Variants in COL8A1 observed in about 807,000 individuals in gnomAD.
The protein encoded by COL8A1 is collagen alpha-1(VIII) chain.
A neutral mutation model predicts 42.7 loss-of-function variants in COL8A1; 21 were observed. That is an observed-to-expected ratio of 0.49 (90% CI 0.35 to 0.71). The LOEUF is 0.71. Ranked by LOEUF, COL8A1 falls within the 30% of genes least tolerant of loss-of-function variation. The pLI is 0.01. For missense variants in COL8A1, 788 were observed against 962.4 expected (o/e 0.82, Z 2.40); for synonymous variants, 367 against 369.1 (o/e 0.99, Z 0.06).
chr3:99,750,413 C>A (rs1941121746), intron 2 of COL8A1, among the ~76,000 whole-genome samples: 2 of 152,014 alleles, frequency 1.3e-5, no homozygotes, highest in African/African-American at 4.8e-5. Flanking sequence ...ATATTAATAG[C>A]CAACTCTGGG....
chr3:99,655,850 G>A (rs1313653385), intron 1 of COL8A1, among the ~76,000 whole-genome samples: 1 of 152,168 alleles, frequency 6.6e-6, no homozygotes, highest in Non-Finnish European at 1.5e-5. Flanking sequence ...TTGAAGCACT[G>A]ACCTAGAAAA....
chr3:99,741,791 TGCA>T (rs1940907202), intron 1 of COL8A1, among the ~76,000 whole-genome samples: 1 of 152,208 alleles, frequency 6.6e-6, no homozygotes, highest in African/African-American at 2.4e-5. Context: ...GTGATCCTGC[TGCA>T]GAAGTTACAT....
At chr3:99,725,889 C>T (rs1399614449) in intron 1 of COL8A1, among the ~76,000 whole-genome samples, 9 of 152,076 alleles carry the variant, frequency 5.9e-5, no homozygotes, top group Non-Finnish European at 5.9e-5. Context: ...GTGCATATGT[C>T]TTTATAGCAG....
chr3:99,705,153 T>C (rs1167064526), intron 1 of COL8A1, among the ~76,000 whole-genome samples: 2 of 152,172 alleles, frequency 1.3e-5, no homozygotes, highest in African/African-American at 4.8e-5. Context: ...AACAAAGTAA[T>C]GGTAGAGTTA....
rs1335196448 is a variant in COL8A1 at position 99,653,459 on chromosome 3, C to A, written c.-129+14795C>A. Among the ~76,000 whole-genome samples, 31 of 151,860 alleles carry A rather than the reference C, an allele frequency of 2.0e-4. 1 individual carries two copies. Among genetic ancestry groups the A allele is most frequent in the Admixed American group, 2.0e-3 (31 of 15,240 alleles). ...TTATACCAAATGGCAACAGTTCAAT[C>A]TCCCCACCAGTTCCCCTAAAAGGAA... On this transcript the variant is annotated intron_variant, in intron 1 of 3. Transcript: ENST00000652472.
At chr3:99,734,708 G>A (rs1485983351) in intron 1 of COL8A1, among the ~76,000 whole-genome samples, 1 of 151,870 alleles carries the variant, frequency 6.6e-6, no homozygotes, top group East Asian at 1.9e-4. Flanking sequence ...TAGCTTGATG[G>A]GGATGGCATT....
rs1942103311 is a variant in COL8A1 at position 99,796,065 on chromosome 3, C to G, written c.2164C>G (p.Gln722Glu). The change falls in exon 4 of 4, where the codon CAG (glutamine) becomes GAG (glutamate). Residue 722 changes from glutamine (Q) to glutamate (E), a missense_variant. Around this residue, in one of 4 missense-constraint regions of COL8A1, gnomAD observed 212 missense variants for 210.9 expected, o/e 1.00. Transcript: ENST00000652472. ...GGTGTTCCTCCAGATGCCCTCAGAA[C>G]AGGCTGCAGGACTGTATGCCGGGCA... ...DRVFLQMPSEQAAGLYAGQYV... is the reference protein window; with the variant it reads ...DRVFLQMPSEEAAGLYAGQYV... The G allele has an allele frequency of 6.2e-7, 1 of 1,609,504 alleles. No homozygotes were observed. The highest frequency in any genetic ancestry group is 8.5e-7 in the Non-Finnish European group (1 of 1,177,048).
intron 3 of COL8A1, among the ~76,000 whole-genome samples, chr3:99,793,989 T>C (rs1942052583): frequency 6.6e-6 from 1 of 152,182 alleles, no homozygotes; most frequent in Non-Finnish European, 1.5e-5. Flanking sequence ...TGACTTCAGG[T>C]GATGCATCTG....
At chr3:99,694,957 T>C (rs912003739) in intron 1 of COL8A1, among the ~76,000 whole-genome samples, 1 of 152,202 alleles carries the variant, frequency 6.6e-6, no homozygotes, top group African/African-American at 2.4e-5. Context: ...TTAGGGAATA[T>C]AATTAACATC....
chr3:99,779,074 T>G (rs1481989454), intron 2 of COL8A1, among the ~76,000 whole-genome samples: 1 of 152,220 alleles, frequency 6.6e-6, no homozygotes, highest in Non-Finnish European at 1.5e-5. Context: ...AAATTAACCT[T>G]TTGTATTTCA....
chr3:99,722,282 C>G (rs1037092879), intron 1 of COL8A1, among the ~76,000 whole-genome samples: 1 of 152,024 alleles, frequency 6.6e-6, no homozygotes, highest in Non-Finnish European at 1.5e-5. Context: ...GACTCCTTTC[C>G]AGTGGCATAA....
chr3:99,793,623 T>C (rs1942043104), intron 3 of COL8A1, among the ~76,000 whole-genome samples: 1 of 152,220 alleles, frequency 6.6e-6, no homozygotes, highest in Non-Finnish European at 1.5e-5. Flanking sequence ...GAAAAATGTT[T>C]CTTCTTCATT....
At chr3:99,663,842 A>T (rs1938281683) in intron 1 of COL8A1, among the ~76,000 whole-genome samples, 1 of 152,182 alleles carries the variant, frequency 6.6e-6, no homozygotes, top group South Asian at 2.1e-4. Flanking sequence ...AAAATGATTA[A>T]TGTAGGTTAT....
At chr3:99,716,630 C>A (rs976879620) in intron 1 of COL8A1, among the ~76,000 whole-genome samples, 1 of 151,960 alleles carries the variant, frequency 6.6e-6, no homozygotes, top group African/African-American at 2.4e-5. Context: ...CCTGTTACAT[C>A]GGATGACTCA....
At chr3:99,709,023 A>AC (rs34715790) in intron 1 of COL8A1, among the ~76,000 whole-genome samples, 4 of 141,750 alleles carry the variant, frequency 2.8e-5, no homozygotes, top group East Asian at 4.4e-4. Context: ...CAGGCTTAAC[A>AC]CCCCCACCCC....
intron 1 of COL8A1, among the ~76,000 whole-genome samples, chr3:99,737,863 C>T (rs887411389): frequency 9.9e-5 from 15 of 151,808 alleles, no homozygotes; most frequent in African/African-American, 2.2e-4. Context: ...TCAGGTACAC[C>T]AATCAGACGT....
chr3:99,759,611 T>C (rs137925843), intron 2 of COL8A1, among the ~76,000 whole-genome samples: 3 of 152,194 alleles, frequency 2.0e-5, no homozygotes, highest in Admixed American at 1.3e-4. Flanking sequence ...CAAGATCAAA[T>C]GTACAAGATT....
At chr3:99,658,878 T>C (rs1309312942) in intron 1 of COL8A1, among the ~76,000 whole-genome samples, 1 of 152,156 alleles carries the variant, frequency 6.6e-6, no homozygotes, top group East Asian at 1.9e-4. Flanking sequence ...CTCATTCTCA[T>C]TGTGGGCAAA....
chr3:99,670,295 C>T (rs532259361), intron 1 of COL8A1, among the ~76,000 whole-genome samples: 4 of 152,070 alleles, frequency 2.6e-5, no homozygotes, highest in East Asian at 1.9e-4. Flanking sequence ...AGTATGTTTG[C>T]ATGAAATACA....
Sources: gnomAD v4.1 joint callset for allele counts (sites outside exome capture counted in the v4.1 genomes callset) on GRCh38, gnomAD v4.1.1 for gene constraint, gnomAD v4.1.1 regional missense constraint, MANE v1.5 for transcripts, NCBI Gene and HGNC (gene_info 2026-07-23, HGNC 2026-07-21) for gene names.